PLA1A: variants seen among roughly 807,000 people sequenced by gnomAD.
The protein encoded by PLA1A is phospholipase A1 member A, also known as phosphatidylserine-specific phospholipase A1alpha.
In PLA1A, 47 loss-of-function variants were observed where a neutral mutation model predicts 49.4. That is an observed-to-expected ratio of 0.95 (90% confidence interval 0.75 to 1.21). The LOEUF (loss-of-function observed/expected upper bound fraction) is 1.21. Ranked by LOEUF, PLA1A falls within the 50% of genes most tolerant of loss-of-function variation. The pLI, the probability that PLA1A is intolerant of heterozygous loss-of-function variation, is 0.00. For missense variants in PLA1A, 561 were observed against 563.9 expected (o/e 0.99, Z 0.05); for synonymous variants, 224 against 207.9 (o/e 1.08, Z -0.67).
At chr3:119,604,699 A>G (rs2082663258) in intron 1 of PLA1A, among the ~76,000 whole-genome samples, 2 of 152,152 alleles carry the variant, frequency 1.3e-5, no homozygotes, top group African/African-American at 4.8e-5. Context: ...AAAGATGATA[A>G]TTTATATTCT....
At chr3:119,619,085 GCTAA>G (rs1458750027) in intron 7 of PLA1A, among the ~76,000 whole-genome samples, 1 of 152,186 alleles carries the variant, frequency 6.6e-6, no homozygotes. Flanking sequence ...ACCTGGTGGT[GCTAA>G]CTACTTGTAC....
intron 9 of PLA1A, among the ~76,000 whole-genome samples, chr3:119,625,955 C>A (rs1255557489): frequency 6.6e-6 from 1 of 152,108 alleles, no homozygotes; most frequent in Non-Finnish European, 1.5e-5. Flanking sequence ...CAGCGGGAGA[C>A]AGATTGTCAG....
chr3:119,622,485 CCT>C (rs766102102), intron 8 of PLA1A, among the ~76,000 whole-genome samples: 20 of 152,124 alleles, frequency 1.3e-4, no homozygotes, highest in East Asian at 3.9e-4. Context: ...ATTCAAGGCC[CCT>C]TTCTTCTTGT....
At chr3:119,606,494 C>A (rs1322951958) in intron 1 of PLA1A, among the ~76,000 whole-genome samples, 2 of 152,182 alleles carry the variant, frequency 1.3e-5, no homozygotes, top group Non-Finnish European at 2.9e-5. Flanking sequence ...CTCAGTTCAG[C>A]CCGGAACAAC....
At chr3:119,620,708 GAGA>G (rs1409977188) in intron 8 of PLA1A, among the ~76,000 whole-genome samples, 1 of 152,210 alleles carries the variant, frequency 6.6e-6, no homozygotes, top group Non-Finnish European at 1.5e-5. Context: ...GAGAATTTGG[GAGA>G]AGAATAGTTA....
chr3:119,605,841 A>G (rs1481867423), intron 1 of PLA1A, among the ~76,000 whole-genome samples: 3 of 152,182 alleles, frequency 2.0e-5, no homozygotes, highest in Non-Finnish European at 1.5e-5. Flanking sequence ...TTTGCCAGAG[A>G]ATTTCCATTG....
rs2082700915 is a variant in PLA1A, at chr3:119,607,194, C to G, written c.275+219C>G. 3 of 563,918 alleles carry G rather than the reference C, an allele frequency of 5.3e-6. No homozygotes were observed. In the African/African-American group the frequency reaches 5.6e-5, roughly 11 times the overall value. The allele number at this position is 563,918 out of a possible 1,614,324, so 34.9% of individuals were successfully genotyped here. On this transcript the variant is annotated intron_variant, in intron 2 of 10. Transcript: ENST00000273371. ...ATGTTACTTCTCCACCCAGTCTTGT[C>G]TACACACTCACGAACAGTACATGTC...
At chr3:119,626,040 A>T (rs961203168) in intron 9 of PLA1A, among the ~76,000 whole-genome samples, 3 of 152,160 alleles carry the variant, frequency 2.0e-5, no homozygotes, top group African/African-American at 7.2e-5. Context: ...AGCACAGTGA[A>T]CTCATTACAA....
intron 9 of PLA1A, 77 bp from the exon 10 acceptor site, chr3:119,628,624 G>A (rs2052578598): frequency 7.3e-7 from 1 of 1,378,436 alleles, no homozygotes; most frequent in African/African-American, 1.4e-5. Context: ...CACCAGCAGA[G>A]CCCGATCGGA....
At chr3:119,606,076 T>G (rs994933408) in intron 1 of PLA1A, among the ~76,000 whole-genome samples, 2 of 152,236 alleles carry the variant, frequency 1.3e-5, no homozygotes, top group African/African-American at 4.8e-5. Flanking sequence ...TTCATTTGGC[T>G]GCCCAGGGTT....
chr3:119,604,680 A>T (rs970417188), intron 1 of PLA1A, among the ~76,000 whole-genome samples: 1 of 152,194 alleles, frequency 6.6e-6, no homozygotes, highest in African/African-American at 2.4e-5. Context: ...CTGTACACTT[A>T]AAAAAGGTAA....
chr3:119,612,581 C>A (rs926822963), intron 4 of PLA1A, among the ~76,000 whole-genome samples: 1 of 151,978 alleles, frequency 6.6e-6, no homozygotes, highest in African/African-American at 2.4e-5. Flanking sequence ...CTCTGTCTCC[C>A]GGGTTCACGC....
intron 5 of PLA1A, among the ~76,000 whole-genome samples, chr3:119,613,849 C>T (rs559371461): frequency 5.3e-5 from 8 of 151,810 alleles, no homozygotes; most frequent in East Asian, 3.9e-4. Flanking sequence ...GCCGACATCG[C>T]GCTACTGCAC....
At chr3:119,598,995 GTC>G (rs1266697823) in intron 1 of PLA1A, among the ~76,000 whole-genome samples, 3 of 152,170 alleles carry the variant, frequency 2.0e-5, no homozygotes, top group African/African-American at 4.8e-5. Flanking sequence ...TGAGGCTTCT[GTC>G]TCTTTTAGCA....
chr3:119,623,610 T>C (rs9832300), intron 8 of PLA1A, among the ~76,000 whole-genome samples: 77,591 of 151,998 alleles, frequency 0.51, 20,345 homozygotes, highest in East Asian at 0.88. Flanking sequence ...AACCAGCGGC[T>C]GCAGGGAGAG....
rs1226401435 is a variant in PLA1A, at chr3:119,628,686, A to G, written c.1122-15A>G. The G allele has an allele frequency of 2.5e-6, 4 of 1,613,178 alleles. No homozygotes were observed. Among genetic ancestry groups the G allele is most frequent in the Non-Finnish European group, 3.4e-6 (4 of 1,179,228 alleles). ...GGCTACAGTCATTTACTTTCCCTTT[A>G]CCCTTTTCTTGCAGACCTAAGCAGC... On this transcript the variant is annotated splice_polypyrimidine_tract_variant and intron_variant, in intron 9 of 10. Coordinates refer to ENST00000273371, the MANE Select transcript of PLA1A (RefSeq NM_015900.4).
intron 7 of PLA1A, 109 bp from the exon 8 acceptor site, chr3:119,619,454 A>G: frequency 1.3e-6 from 1 of 770,128 alleles, no homozygotes; most frequent in Non-Finnish European, 2.3e-6. Flanking sequence ...TATGGTGTAG[A>G]TGTCCGTGGA....
chr3:119,615,966 C>T (rs759334991), intron 5 of PLA1A, 46 bp from the exon 6 acceptor site: 8 of 1,279,368 alleles, frequency 6.3e-6, no homozygotes, highest in South Asian at 6.1e-5. Context: ...CGCTGTGAGC[C>T]GACCCCCTGA....
At chr3:119,598,144 A>G (rs558939339) in intron 1 of PLA1A, among the ~76,000 whole-genome samples, 158 bp downstream of exon 1, 32 of 152,318 alleles carry the variant, frequency 2.1e-4, no homozygotes, top group Non-Finnish European at 3.5e-4. Flanking sequence ...CCCTTTTATC[A>G]TAATCGGAAT....
Sources: allele counts gnomAD v4.1 joint callset (sites outside exome capture counted in the v4.1 genomes callset), GRCh38; gene constraint gnomAD v4.1.1; transcripts MANE v1.5; gene names NCBI Gene and HGNC (gene_info 2026-07-23, HGNC 2026-07-21).